Variants in UGT1A10 observed in about 807,000 individuals in gnomAD.
UGT1A10 encodes UDP glucuronosyltransferase family 1 member A10.
In UGT1A10, 49 loss-of-function variants were observed where a neutral mutation model predicts 45.8. The ratio of observed to expected loss-of-function variants is 1.07; its 90% CI spans 0.85 to 1.36. The LOEUF (loss-of-function observed/expected upper bound fraction) is 1.36. Among genes scored for constraint, UGT1A10 ranks in the 40% most tolerant of loss-of-function variants. The pLI is 0.00. For missense variants in UGT1A10, 745 were observed against 668.6 expected, an observed-to-expected ratio of 1.11 and a Z score of -1.26; for synonymous variants, 284 against 249.7, an observed-to-expected ratio of 1.14 and a Z score of -1.29.
chr2:233,647,260 C>T (rs910513737), intron 1 of UGT1A10, among the ~76,000 whole-genome samples: 5 of 152,190 alleles, frequency 3.3e-5, no homozygotes, highest in African/African-American at 1.2e-4. Context: ...GGTGGGGACA[C>T]AGCCAAACCA....
intron 1 of UGT1A10, among the ~76,000 whole-genome samples, chr2:233,661,838 C>A (rs1008587079): frequency 2.0e-5 from 3 of 151,618 alleles, no homozygotes; most frequent in Non-Finnish European, 4.4e-5. Flanking sequence ...GCATCACTAG[C>A]GACACTTTGT....
intron 1 of UGT1A10, among the ~76,000 whole-genome samples, chr2:233,739,507 G>A (rs1269718044): frequency 2.0e-5 from 3 of 152,272 alleles, no homozygotes; most frequent in African/African-American, 7.2e-5. Flanking sequence ...TGATCTAGAT[G>A]TGAGACATGA....
At chr2:233,740,067 CCTCT>C (rs2125827081) in intron 1 of UGT1A10, among the ~76,000 whole-genome samples, 1 of 151,938 alleles carries the variant, frequency 6.6e-6, no homozygotes, top group South Asian at 2.1e-4. Flanking sequence ...ACAAGCTTTT[CCTCT>C]CTGTCTCTCG....
chr2:233,685,276 G>A (rs977279577), intron 1 of UGT1A10, among the ~76,000 whole-genome samples: 6 of 152,028 alleles, frequency 3.9e-5, no homozygotes, highest in Admixed American at 6.6e-5. Context: ...CAAGTGATCC[G>A]CCCGCCTCCG....
chr2:233,675,477 C>T (rs182686828), intron 1 of UGT1A10, among the ~76,000 whole-genome samples: 7 of 152,186 alleles, frequency 4.6e-5, no homozygotes, highest in East Asian at 1.9e-4. Flanking sequence ...ATGGCAGGTG[C>T]GGCTCTGGGG....
At chr2:233,746,140 G>A (rs779278440) in intron 1 of UGT1A10, among the ~76,000 whole-genome samples, 6 of 151,874 alleles carry the variant, frequency 4.0e-5, no homozygotes, top group Non-Finnish European at 8.8e-5. Context: ...TGGCACCTGA[G>A]TGATAGCATG....
intron 1 of UGT1A10, among the ~76,000 whole-genome samples, chr2:233,728,059 C>T (rs2077678124): frequency 1.3e-5 from 2 of 152,228 alleles, no homozygotes; most frequent in South Asian, 2.1e-4. Context: ...GGCTTGAGGC[C>T]CTTGTGAGTG....
intron 1 of UGT1A10, among the ~76,000 whole-genome samples, chr2:233,654,454 C>T (rs1275593950): frequency 2.6e-5 from 4 of 152,152 alleles, no homozygotes; most frequent in African/African-American, 9.7e-5. Context: ...TCCAGCAGAG[C>T]ATCATAAAAT....
intron 1 of UGT1A10, chr2:233,690,638 C>T: frequency 7.8e-7 from 1 of 1,287,780 alleles, no homozygotes; most frequent in Admixed American, 2.3e-5. Context: ...TACCTGAGGA[C>T]ACCTTGACTC....
In UGT1A10 at chr2:233,636,598, G is replaced by C; in HGVS notation, c.76G>C (p.Gly26Arg). The C allele has an allele frequency of 6.2e-7, 1 of 1,614,198 alleles. No homozygotes were observed. Among genetic ancestry groups the C allele is most frequent in the Non-Finnish European group, 8.5e-7 (1 of 1,180,036 alleles). Residue 26 changes from glycine (G) to arginine (R), a missense_variant, in exon 1 of 5, where the codon GGG (glycine) becomes CGG (arginine). Coordinates refer to ENST00000344644, the MANE Select transcript of UGT1A10 (RefSeq NM_019075.4). ...LLLTCGFAEA[G>R]KLLVVPMDGS... is the part of the protein sequence containing the mutation. ...GCTGACCTGTGGCTTTGCCGAGGCA[G>C]GGAAGCTGCTGGTAGTGCCCATGGA...
intron 1 of UGT1A10, among the ~76,000 whole-genome samples, chr2:233,697,345 G>A (rs1268533555): frequency 1.3e-5 from 2 of 151,914 alleles, no homozygotes; most frequent in Non-Finnish European, 2.9e-5. Context: ...TTTCCTCTAG[G>A]TTTTCTAATT....
Position 233,712,926 on chromosome 2 carries a change from C to T in UGT1A10, c.856-54108C>T, listed in dbSNP as rs185804410. ...TGTCTCAGTGACAAGGTAATTAAGA[C>T]GAAGGAAACAATTCTAGGAGGCACA... On this transcript the variant is annotated intron_variant, in intron 1 of 4. Transcript: ENST00000344644. 3.1e-4 allele frequency: 497 copies of T among 1,611,970 alleles called. 2 individuals carry two copies. In the African/African-American group the frequency reaches 4.1e-3, roughly 13 times the overall value.
At chr2:233,638,915 C>T (rs1231068642) in intron 1 of UGT1A10, among the ~76,000 whole-genome samples, 1 of 152,194 alleles carries the variant, frequency 6.6e-6, no homozygotes, top group Non-Finnish European at 1.5e-5. Flanking sequence ...AGTTGCAGGA[C>T]TCTAAGAGGT....
intron 1 of UGT1A10, chr2:233,760,833 G>A (rs777115864): frequency 5.0e-6 from 8 of 1,613,598 alleles, no homozygotes; most frequent in Admixed American, 1.7e-5. Flanking sequence ...TGGAATTTGA[G>A]GCTACCCAGT....
At chr2:233,656,661 A>G (rs2073860068) in intron 1 of UGT1A10, among the ~76,000 whole-genome samples, 1 of 151,960 alleles carries the variant, frequency 6.6e-6, no homozygotes, top group Non-Finnish European at 1.5e-5. Flanking sequence ...CTATTTTAAC[A>G]CTAAAGTGGG....
intron 1 of UGT1A10, chr2:233,693,243 T>C: frequency 6.2e-7 from 1 of 1,614,170 alleles, no homozygotes; most frequent in Non-Finnish European, 8.5e-7. Flanking sequence ...ATCTATCCAG[T>C]GCCGTATGAC....
At chr2:233,756,696 A>G (rs1696298484) in intron 1 of UGT1A10, among the ~76,000 whole-genome samples, 1 of 152,182 alleles carries the variant, frequency 6.6e-6, no homozygotes, top group African/African-American at 2.4e-5. Flanking sequence ...ATGACGATGA[A>G]TTTTGGGGGG....
In UGT1A10 at chr2:233,676,470, C is replaced by A. The variant is rs530468532; in HGVS notation, c.855+39093C>A. Among the ~76,000 whole-genome samples, 5 of 152,248 alleles carry A rather than the reference C, an allele frequency of 3.3e-5. No homozygotes were observed. In the East Asian group the frequency reaches 7.7e-4, roughly 23 times the overall value. On this transcript the variant is annotated intron_variant, in intron 1 of 4. Coordinates refer to ENST00000344644, the MANE Select transcript of UGT1A10 (RefSeq NM_019075.4). ...GGCACATCCATCACAACTCATTCAC[C>A]AATATTGACGCATAATGATGAGCTA...
intron 1 of UGT1A10, among the ~76,000 whole-genome samples, chr2:233,678,086 T>G (rs1428829257): frequency 6.6e-6 from 1 of 152,170 alleles, no homozygotes; most frequent in Non-Finnish European, 1.5e-5. Flanking sequence ...CAAATACCAT[T>G]GTTTTCACTT....
Sources: gnomAD v4.1 joint callset for allele counts (sites outside exome capture counted in the v4.1 genomes callset) on GRCh38, gnomAD v4.1.1 for gene constraint, MANE v1.5 for transcripts, NCBI Gene and HGNC (gene_info 2026-07-23, HGNC 2026-07-21) for gene names.